AFF3: variants seen among roughly 807,000 people sequenced by gnomAD.
The protein encoded by AFF3 is AF4/FMR2 family member 3.
Under a neutral mutation model 129.7 loss-of-function variants are expected in AFF3, and 32 were observed. The observed-to-expected ratio is 0.25, with a 90% CI of 0.19 to 0.33. AFF3 has a LOEUF of 0.33. Ranked by LOEUF, AFF3 falls within the 10% of genes least tolerant of loss-of-function variation. The pLI is 1.00. For missense variants in AFF3, 1,373 were observed against 1,592.0 expected, an observed-to-expected ratio of 0.86 and a Z score of 2.34; for synonymous variants, 644 against 635.4, an observed-to-expected ratio of 1.01 and a Z score of -0.20.
intron 7 of AFF3, among the ~76,000 whole-genome samples, chr2:99,922,402 G>C (rs1398818267): frequency 1.3e-5 from 2 of 152,190 alleles, no homozygotes; most frequent in African/African-American, 4.8e-5. Context: ...AAGAATTAAT[G>C]ATGCAGACAA....
intron 13 of AFF3, among the ~76,000 whole-genome samples, chr2:99,612,835 A>G (rs1402581959): frequency 6.6e-6 from 1 of 152,162 alleles, no homozygotes; most frequent in Non-Finnish European, 1.5e-5. Context: ...ACCTCATCTA[A>G]ACTCACAGGG....
chr2:100,104,734 C>T lies in AFF3; in HGVS notation c.-64-216G>A, dbSNP rs1691101887. ...GCGAGCTCGCCGCGCCGCCGCCGCC[C>T]CCCGCCCCCGGCCCTGCGCCCGCCC... is the stretch of plus-strand genomic sequence containing the variant. On this transcript the variant is annotated intron_variant, in intron 3 of 24. Transcript: ENST00000672756. The T allele has an allele frequency of 4.1e-6, 4 of 969,580 alleles. No homozygotes were observed. The South Asian group carries it at 1.9e-4, about 45-fold the overall frequency. The allele number at this position is 969,580 out of a possible 1,614,324, so 60.1% of individuals were successfully genotyped here.
At chr2:100,102,074 TAA>T (rs759475703) in intron 4 of AFF3, among the ~76,000 whole-genome samples, 268 of 152,058 alleles carry the variant, frequency 1.8e-3, no homozygotes, top group Non-Finnish European at 3.6e-3. Flanking sequence ...TTTCCAGGAT[TAA>T]GAGATTCAAA....
chr2:99,796,981 T>C (rs1685595293), intron 8 of AFF3, among the ~76,000 whole-genome samples: 2 of 152,262 alleles, frequency 1.3e-5, no homozygotes, highest in Admixed American at 1.3e-4. Flanking sequence ...AATCACACTA[T>C]TTCCAAGTAA....
intron 7 of AFF3, among the ~76,000 whole-genome samples, chr2:99,989,295 G>A (rs1363735166): frequency 1.3e-5 from 2 of 152,216 alleles, no homozygotes; most frequent in African/African-American, 4.8e-5. Flanking sequence ...GCCCACAGAA[G>A]AAGTCATCTG....
chr2:99,887,938 C>G (rs1011034598), intron 7 of AFF3, among the ~76,000 whole-genome samples: 7 of 152,098 alleles, frequency 4.6e-5, no homozygotes, highest in African/African-American at 1.7e-4. Flanking sequence ...CAAACAGGCA[C>G]GTCCCTAAAT....
chr2:99,650,720 A>G (rs1184179027), intron 12 of AFF3, among the ~76,000 whole-genome samples: 5 of 152,184 alleles, frequency 3.3e-5, no homozygotes, highest in South Asian at 4.1e-4. Flanking sequence ...ATTTCCCTAC[A>G]TGAAATGAAC....
chr2:99,764,538 T>A (rs1176426544), intron 8 of AFF3, among the ~76,000 whole-genome samples: 1 of 152,212 alleles, frequency 6.6e-6, no homozygotes, highest in Admixed American at 6.5e-5. Context: ...TTTTGAACAA[T>A]AAAAATGAAA....
chr2:99,667,681 G>A (rs746800951), intron 12 of AFF3, among the ~76,000 whole-genome samples: 9 of 152,144 alleles, frequency 5.9e-5, no homozygotes, highest in Non-Finnish European at 1.3e-4. Context: ...TATAGATCTT[G>A]CAGTCATCAA....
intron 7 of AFF3, among the ~76,000 whole-genome samples, chr2:99,860,831 A>G (rs1558923505): frequency 6.6e-6 from 1 of 152,244 alleles, no homozygotes; most frequent in South Asian, 2.1e-4. Flanking sequence ...GATGATCACA[A>G]TAAAATTAAC....
In AFF3 at chr2:99,718,431, T is replaced by C. The variant is rs566193720; in HGVS notation, c.1091+8646A>G. On this transcript the variant is annotated intron_variant, in intron 11 of 24. Coordinates refer to ENST00000672756, the MANE Select transcript of AFF3 (RefSeq NM_001386135.1). ...TATGTCAGTTTAAATGGAATTGCTT[T>C]TTAAATCTCATTTTCCAATTGTTTA... 7.5e-4 allele frequency among the ~76,000 whole-genome samples: 115 copies of C among 152,380 alleles called. 1 individual carries two copies. In the Middle Eastern group the frequency reaches 0.01, roughly 14 times the overall value.
intron 7 of AFF3, among the ~76,000 whole-genome samples, chr2:99,928,005 C>T (rs538422232): frequency 2.9e-4 from 44 of 152,202 alleles, no homozygotes; most frequent in African/African-American, 8.7e-4. Flanking sequence ...AATGGGAGTT[C>T]CCCTACACAA....
chr2:100,123,521 C>G (rs1012959715), intron 2 of AFF3, among the ~76,000 whole-genome samples: 3 of 152,176 alleles, frequency 2.0e-5, no homozygotes, highest in Admixed American at 2.0e-4. Context: ...TGGGCATACT[C>G]CAGTTCAAAT....
At chr2:99,984,671 C>T (rs929780453) in intron 7 of AFF3, among the ~76,000 whole-genome samples, 28 of 152,114 alleles carry the variant, frequency 1.8e-4, no homozygotes, top group African/African-American at 6.5e-4. Flanking sequence ...TCTATATGGT[C>T]CAAGTCTGCC....
chr2:99,677,842 A>G (rs775352690), intron 11 of AFF3, among the ~76,000 whole-genome samples: 8 of 152,202 alleles, frequency 5.3e-5, no homozygotes, highest in Non-Finnish European at 1.2e-4. Flanking sequence ...TTTTAGAGAC[A>G]GGGTCTTGCT....
chr2:99,753,084 T>C (rs1440251759), intron 8 of AFF3, among the ~76,000 whole-genome samples: 1 of 152,174 alleles, frequency 6.6e-6, no homozygotes, highest in East Asian at 1.9e-4. Context: ...ACGAATTAGA[T>C]GTGAACCCTA....
At chr2:100,118,009 A>G (rs17023500) in intron 2 of AFF3, among the ~76,000 whole-genome samples, 24,331 of 152,128 alleles carry the variant, frequency 0.16, 2,260 homozygotes, top group African/African-American at 0.26. Flanking sequence ...TGTCAAGAGC[A>G]TAGTTTGCCT....
At chr2:100,001,934 G>A (rs925602866) in intron 7 of AFF3, among the ~76,000 whole-genome samples, 2 of 152,224 alleles carry the variant, frequency 1.3e-5, no homozygotes, top group African/African-American at 4.8e-5. Flanking sequence ...CGTTCTAAGC[G>A]GACGGAAGCT....
At chr2:100,113,407 C>T (rs1035227399) in intron 2 of AFF3, among the ~76,000 whole-genome samples, 11 of 152,234 alleles carry the variant, frequency 7.2e-5, no homozygotes, top group African/African-American at 2.6e-4. Flanking sequence ...GAGTTTATTA[C>T]CAAAGTGAAA....
Sources: gnomAD v4.1 joint callset for allele counts (sites outside exome capture counted in the v4.1 genomes callset) on GRCh38, gnomAD v4.1.1 for gene constraint, MANE v1.5 for transcripts, NCBI Gene and HGNC (gene_info 2026-07-23, HGNC 2026-07-21) for gene names.